The following DCC variants were observed in gnomAD, a reference collection of about 807,000 sequenced individuals.
DCC encodes netrin receptor DCC.
Under a neutral mutation model 172.5 loss-of-function variants are expected in DCC, and 58 were observed. The observed-to-expected ratio is 0.34, with a 90% CI of 0.27 to 0.42. The LOEUF (loss-of-function observed/expected upper bound fraction) is 0.42, where lower values mean the gene tolerates loss of function less well. Among genes scored for constraint, DCC ranks in the 10% least tolerant of loss-of-function variants. The pLI, the probability that DCC is intolerant of heterozygous loss-of-function variation, is 1.00. For missense variants in DCC, 1,740 were observed against 1,791.0 expected, an observed-to-expected ratio of 0.97 and a Z score of 0.51; for synonymous variants, 709 against 644.5, an observed-to-expected ratio of 1.10 and a Z score of -1.52.
intron 2 of DCC, among the ~76,000 whole-genome samples, chr18:52,811,716 T>G (rs2038204616): frequency 6.6e-6 from 1 of 152,166 alleles, no homozygotes. Flanking sequence ...TTGTAGCTTT[T>G]CATTATTTTT....
At chr18:52,542,247 T>A (rs1182028039) in intron 1 of DCC, among the ~76,000 whole-genome samples, 1 of 151,962 alleles carries the variant, frequency 6.6e-6, no homozygotes. Context: ...AATTCAATAG[T>A]AGCCACTCGA....
At chr18:52,671,625 C>T (rs909838124) in intron 1 of DCC, among the ~76,000 whole-genome samples, 16 of 150,516 alleles carry the variant, frequency 1.1e-4, no homozygotes, top group African/African-American at 3.2e-4. Flanking sequence ...CTGCAGCCTC[C>T]GCCTCCCAGG....
chr18:52,576,831 A>G (rs1310282504), intron 1 of DCC, among the ~76,000 whole-genome samples: 10 of 148,676 alleles, frequency 6.7e-5, no homozygotes, highest in Non-Finnish European at 1.0e-4. Context: ...CTCCATCTCA[A>G]AAAAAAAAAA....
In DCC at chr18:53,313,699, T is replaced by C. The variant is rs115663650; in HGVS notation, c.2053+7980T>C. Among the ~76,000 whole-genome samples the C allele has an allele frequency of 4.1e-3, 626 of 152,350 alleles. 3 individuals carry two copies. The highest frequency in any genetic ancestry group is 0.015 in the African/African-American group (607 of 41,582). On this transcript the variant is annotated intron_variant, in intron 13 of 28. Coordinates refer to ENST00000442544, the MANE Select transcript of DCC (RefSeq NM_005215.4). ...TCAAGTCTGATGTAGTGATCATAGATAGATATTTCTTCCATGCCTGCATAG... is the reference window on the plus strand; with the variant it reads ...TCAAGTCTGATGTAGTGATCATAGACAGATATTTCTTCCATGCCTGCATAG...
intron 1 of DCC, among the ~76,000 whole-genome samples, chr18:52,519,616 G>T (rs1309793590): frequency 6.6e-6 from 1 of 152,138 alleles, no homozygotes; most frequent in African/African-American, 2.4e-5. Context: ...AAGGAATTTG[G>T]TTATGTTTGC....
intron 1 of DCC, among the ~76,000 whole-genome samples, chr18:52,496,073 T>G (rs1433606563): frequency 2.0e-5 from 3 of 152,170 alleles, no homozygotes; most frequent in Non-Finnish European, 4.4e-5. Context: ...TAGTACACAC[T>G]AAGGATTCAG....
At chr18:53,112,773 A>T (rs945183811) in intron 7 of DCC, among the ~76,000 whole-genome samples, 1 of 151,520 alleles carries the variant, frequency 6.6e-6, no homozygotes, top group Non-Finnish European at 1.5e-5. Flanking sequence ...CACTCAAAAG[A>T]TCACTGGGCA....
At chr18:52,492,705 A>G (rs2030565355) in intron 1 of DCC, among the ~76,000 whole-genome samples, 1 of 152,098 alleles carries the variant, frequency 6.6e-6, no homozygotes, top group African/African-American at 2.4e-5. Context: ...CCAACACGAA[A>G]GCTGTGTTGC....
At chr18:53,287,282 G>A (rs1259160904) in intron 12 of DCC, among the ~76,000 whole-genome samples, 1 of 152,076 alleles carries the variant, frequency 6.6e-6, no homozygotes, top group Non-Finnish European at 1.5e-5. Context: ...ATTTTTCAAG[G>A]TTCATCCATA....
At chr18:53,263,617 C>T (rs1160227300) in intron 12 of DCC, among the ~76,000 whole-genome samples, 4 of 152,034 alleles carry the variant, frequency 2.6e-5, no homozygotes, top group Non-Finnish European at 5.9e-5. Context: ...AATAAGGATG[C>T]TTGAAAACAC....
rs1472253128 is a variant in DCC, at chr18:53,515,645, T to TG, written c.4112-10972_4112-10971insG. ...TGTACAAAAATCACAAGCATTCTTA[T>TG]ACACCAACAACAGACAAACAGAGAG... On this transcript the variant is annotated intron_variant, in intron 27 of 28. Coordinates refer to ENST00000442544, the MANE Select transcript of DCC (RefSeq NM_005215.4). Among the ~76,000 whole-genome samples, 3 of 147,174 alleles carry TG rather than the reference T, an allele frequency of 2.0e-5. No homozygotes were observed. In the East Asian group the frequency reaches 6.0e-4, roughly 29 times the overall value.
chr18:52,805,015 A>G (rs965929867), intron 2 of DCC, among the ~76,000 whole-genome samples: 5 of 152,216 alleles, frequency 3.3e-5, no homozygotes, highest in African/African-American at 1.2e-4. Flanking sequence ...AGCCTCTGCC[A>G]CTAAATGTGT....
At chr18:52,983,666 G>A (rs1033760603) in intron 5 of DCC, among the ~76,000 whole-genome samples, 1 of 152,102 alleles carries the variant, frequency 6.6e-6, no homozygotes, top group Non-Finnish European at 1.5e-5. Context: ...TACACATATA[G>A]ATTTCAAAGA....
chr18:53,255,140 A>T (rs1437112073), intron 12 of DCC, among the ~76,000 whole-genome samples: 1 of 151,866 alleles, frequency 6.6e-6, no homozygotes, highest in Non-Finnish European at 1.5e-5. Context: ...CTTCCTGGGT[A>T]TTCCTATCAG....
At chr18:53,366,819 G>A (rs545716198) in intron 15 of DCC, among the ~76,000 whole-genome samples, 16 of 152,224 alleles carry the variant, frequency 1.1e-4, no homozygotes, top group Admixed American at 7.9e-4. Context: ...GCCATCCTCC[G>A]GCCTTGCCCA....
chr18:52,982,969 T>C (rs1314730535), intron 5 of DCC, among the ~76,000 whole-genome samples: 1 of 152,206 alleles, frequency 6.6e-6, no homozygotes, highest in Non-Finnish European at 1.5e-5. Context: ...TAATAATGGA[T>C]CATCAGTATC....
intron 2 of DCC, among the ~76,000 whole-genome samples, chr18:52,761,467 G>A (rs1037045177): frequency 1.1e-4 from 17 of 152,142 alleles, no homozygotes; most frequent in Admixed American, 2.0e-4. Context: ...ATGAAAGAGC[G>A]AGATAATTTT....
In DCC at chr18:53,499,522, G is replaced by C. The variant is rs746382495; in HGVS notation, c.4111+12G>C. 4 of 1,603,722 alleles carry C rather than the reference G, an allele frequency of 2.5e-6. No homozygotes were observed. In the African/African-American group the frequency reaches 5.4e-5, roughly 21 times the overall value. On this transcript the variant is annotated intron_variant, in intron 27 of 28. Transcript: ENST00000442544. The stretch of plus-strand genomic sequence containing the variant: ...TTTGTCTCAGCCAGGTAAAGTACTC[G>C]GTTGTTCACCTTTAAAATTCTTATT...
chr18:52,924,635 A>G (rs1013112443), intron 4 of DCC, among the ~76,000 whole-genome samples: 1 of 152,052 alleles, frequency 6.6e-6, no homozygotes, highest in African/African-American at 2.4e-5. Context: ...TTTTTAACAT[A>G]TTTATTTTTA....
Sources: gnomAD v4.1 joint callset for allele counts (sites outside exome capture counted in the v4.1 genomes callset) on GRCh38, gnomAD v4.1.1 for gene constraint, MANE v1.5 for transcripts, NCBI Gene and HGNC (gene_info 2026-07-23, HGNC 2026-07-21) for gene names.